RNF152: variants seen among roughly 807,000 people sequenced by gnomAD.
The protein encoded by RNF152 is E3 ubiquitin-protein ligase RNF152.
RNF152 carries 11 observed loss-of-function variants against 12.7 expected under a neutral mutation model. The observed-to-expected ratio is 0.86, with a 90% CI of 0.54 to 1.43. The LOEUF (loss-of-function observed/expected upper bound fraction) is 1.43, where lower values mean the gene tolerates loss of function less well. RNF152 is among the 40% of genes most tolerant of loss of function. RNF152 has a pLI of 0.00. For synonymous variants in RNF152, 113 were observed against 120.3 expected, an observed-to-expected ratio of 0.94 and a Z score of 0.40; for missense variants, 255 against 274.8, an observed-to-expected ratio of 0.93 and a Z score of 0.51.
intron 1 of RNF152, among the ~76,000 whole-genome samples, chr18:61,883,069 A>G (rs1435619899): frequency 1.3e-5 from 2 of 152,226 alleles, no homozygotes; most frequent in Non-Finnish European, 2.9e-5. Context: ...ATCTAGATGC[A>G]TGCATTTTCA....
chr18:61,837,474 G>A (rs1054228254), intron 1 of RNF152, among the ~76,000 whole-genome samples: 1 of 152,184 alleles, frequency 6.6e-6, no homozygotes, highest in Admixed American at 6.5e-5. Flanking sequence ...AGGGTAAAAC[G>A]TCATGATGTC....
chr18:61,836,901 C>T (rs1219241613), intron 1 of RNF152, among the ~76,000 whole-genome samples: 1 of 152,188 alleles, frequency 6.6e-6, no homozygotes, highest in Non-Finnish European at 1.5e-5. Context: ...TCAATAGATG[C>T]TAAAATCATT....
rs183491765 is a variant in RNF152, at chr18:61,892,383, G to A, written c.-136+412C>T. 1.4e-4 allele frequency among the ~76,000 whole-genome samples: 22 copies of A among 152,298 alleles called. No individual in the cohort carries two copies. The East Asian group carries it at 2.3e-3, about 16-fold the overall frequency. On this transcript the variant is annotated intron_variant, in intron 1 of 1. Coordinates refer to ENST00000312828, the MANE Select transcript of RNF152 (RefSeq NM_173557.3). Reference sequence around the variant, plus strand: ...TTGACCGGTGCTCAATTAGAGCACTGGGCAAAAGTACAATCAGCCTTCCAA... The same window carrying A: ...TTGACCGGTGCTCAATTAGAGCACTAGGCAAAAGTACAATCAGCCTTCCAA...
At chr18:61,888,318 G>C (rs1357431415) in intron 1 of RNF152, 1 of 152,174 alleles carries the variant, frequency 6.6e-6, no homozygotes, top group African/African-American at 2.4e-5. Flanking sequence ...GAGTCAATTA[G>C]AAATTGAAAA....
intron 1 of RNF152, among the ~76,000 whole-genome samples, chr18:61,862,829 G>A (rs917164022): frequency 2.6e-5 from 4 of 152,188 alleles, no homozygotes; most frequent in Admixed American, 6.5e-5. Flanking sequence ...CAGAAGTTCC[G>A]AGGAGGCCCA....
At chr18:61,889,985 T>C (rs1912880433) in intron 1 of RNF152, among the ~76,000 whole-genome samples, 1 of 152,208 alleles carries the variant, frequency 6.6e-6, no homozygotes, top group South Asian at 2.1e-4. Context: ...GCACTTGAAA[T>C]AGGCAAAGAG....
At chr18:61,835,560 A>G (rs1470590810) in intron 1 of RNF152, among the ~76,000 whole-genome samples, 1 of 152,214 alleles carries the variant, frequency 6.6e-6, no homozygotes, top group African/African-American at 2.4e-5. Flanking sequence ...GACTTTTTTG[A>G]ATTTTTGACT....
At position 61,876,500 on chromosome 18, in the gene RNF152, T is replaced by C. The variant is rs573663279; in HGVS notation, c.-136+16295A>G. Among the ~76,000 whole-genome samples, 3 of 152,320 alleles carry C rather than the reference T, an allele frequency of 2.0e-5. No individual in the cohort carries two copies. In the South Asian group the frequency reaches 6.2e-4, roughly 32 times the overall value. On this transcript the variant is annotated intron_variant, in intron 1 of 1. Coordinates refer to ENST00000312828, the MANE Select transcript of RNF152 (RefSeq NM_173557.3). ...TATCAACAACTCTTTTTAAGCATCA[T>C]ATACAGATGTTAGTCGAAGTCATGA... is the stretch of plus-strand genomic sequence containing the variant.
chr18:61,836,860 C>T (rs182033323), intron 1 of RNF152, among the ~76,000 whole-genome samples: 3 of 152,284 alleles, frequency 2.0e-5, no homozygotes, highest in African/African-American at 7.2e-5. Flanking sequence ...TTTACCATCT[C>T]CAATGTAATG....
At chr18:61,840,866 T>C (rs2144670827) in intron 1 of RNF152, among the ~76,000 whole-genome samples, 1 of 152,338 alleles carries the variant, frequency 6.6e-6, no homozygotes, top group South Asian at 2.1e-4. Context: ...AGTTTTGCAT[T>C]TCAGAGCCTT....
chr18:61,889,352 G>A (rs1912843481), intron 1 of RNF152, among the ~76,000 whole-genome samples: 1 of 152,138 alleles, frequency 6.6e-6, no homozygotes, highest in Non-Finnish European at 1.5e-5. Context: ...CTACACTTAT[G>A]CTTAAGGTAT....
intron 1 of RNF152, among the ~76,000 whole-genome samples, chr18:61,840,126 A>G (rs892178040): frequency 1.3e-5 from 2 of 152,068 alleles, no homozygotes; most frequent in Admixed American, 1.3e-4. Flanking sequence ...AAGGGAGCTT[A>G]TTTGCTCTTT....
intron 1 of RNF152, among the ~76,000 whole-genome samples, chr18:61,823,751 C>A (rs1909529339): frequency 6.6e-6 from 1 of 152,202 alleles, no homozygotes; most frequent in South Asian, 2.1e-4. Context: ...GCACACCATC[C>A]AGAAGGCCAA....
chr18:61,827,975 T>C (rs1909748370), intron 1 of RNF152, among the ~76,000 whole-genome samples: 1 of 152,194 alleles, frequency 6.6e-6, no homozygotes, highest in Non-Finnish European at 1.5e-5. Context: ...TAACAAAAAA[T>C]CCAGATTTCT....
chr18:61,844,184 A>G (rs998247837), intron 1 of RNF152, among the ~76,000 whole-genome samples: 3 of 134,704 alleles, frequency 2.2e-5, no homozygotes, highest in Admixed American at 7.5e-5. Context: ...GAAGAGAGGA[A>G]GGAAGGAAGG....
At chr18:61,878,134 C>T (rs928122758) in intron 1 of RNF152, among the ~76,000 whole-genome samples, 4 of 152,190 alleles carry the variant, frequency 2.6e-5, no homozygotes, top group Admixed American at 1.3e-4. Context: ...TTGGTGAGAA[C>T]CAGTCACATG....
At chr18:61,847,843 C>T (rs1279041168) in intron 1 of RNF152, among the ~76,000 whole-genome samples, 1 of 152,070 alleles carries the variant, frequency 6.6e-6, no homozygotes, top group Non-Finnish European at 1.5e-5. Flanking sequence ...AATCTCTGCT[C>T]TCAAATGCTG....
chr18:61,858,706 G>T (rs1911333815), intron 1 of RNF152, among the ~76,000 whole-genome samples: 1 of 152,094 alleles, frequency 6.6e-6, no homozygotes, highest in South Asian at 2.1e-4. Context: ...TATATTCCAT[G>T]GAGAAGAAGC....
intron 1 of RNF152, among the ~76,000 whole-genome samples, chr18:61,858,851 T>A (rs758064806): frequency 2.0e-5 from 3 of 152,178 alleles, no homozygotes; most frequent in Non-Finnish European, 2.9e-5. Flanking sequence ...AAAACAGAGA[T>A]CCCGTTTTAA....
Sources: gnomAD v4.1 joint callset for allele counts (sites outside exome capture counted in the v4.1 genomes callset) on GRCh38, gnomAD v4.1.1 for gene constraint, MANE v1.5 for transcripts, NCBI Gene and HGNC (gene_info 2026-07-23, HGNC 2026-07-21) for gene names.